The following ANO10 variants were observed in gnomAD, a reference collection of about 807,000 sequenced individuals.
ANO10 encodes the protein anoctamin 10, also known as anoctamin-10.
Under a neutral mutation model 74.7 loss-of-function variants are expected in ANO10, and 77 were observed. The ratio of observed to expected loss-of-function variants is 1.03; its 90% CI spans 0.86 to 1.25. The LOEUF (loss-of-function observed/expected upper bound fraction) is 1.25. Ranked by LOEUF, ANO10 falls within the 50% of genes most tolerant of loss-of-function variation. The pLI is 0.00. For missense variants in ANO10, 721 were observed against 778.1 expected, an observed-to-expected ratio of 0.93 and a Z score of 0.87; for synonymous variants, 279 against 284.9, an observed-to-expected ratio of 0.98 and a Z score of 0.21.
At chr3:43,651,622 T>A (rs1039417435) in intron 1 of ANO10, among the ~76,000 whole-genome samples, 1 of 152,222 alleles carries the variant, frequency 6.6e-6, no homozygotes, top group Admixed American at 6.5e-5. Context: ...AATTTTTCTC[T>A]TATTTAGCCT....
At chr3:43,394,842 G>A (rs1397436013) in intron 12 of ANO10, among the ~76,000 whole-genome samples, 1 of 152,162 alleles carries the variant, frequency 6.6e-6, no homozygotes, top group Non-Finnish European at 1.5e-5. Flanking sequence ...ATAAGCTTAG[G>A]TCTTAGGGTA....
intron 11 of ANO10, among the ~76,000 whole-genome samples, chr3:43,486,161 T>C (rs1379173243): frequency 6.6e-6 from 1 of 152,208 alleles, no homozygotes; most frequent in East Asian, 1.9e-4. Flanking sequence ...TTTACAAGTC[T>C]GAAAAGACAC....
chr3:43,614,109 G>A (rs1026519664), intron 1 of ANO10, among the ~76,000 whole-genome samples: 1 of 152,200 alleles, frequency 6.6e-6, no homozygotes, highest in Non-Finnish European at 1.5e-5. Flanking sequence ...GAACAATAAA[G>A]TGTTCCGCAG....
chr3:43,452,020 C>T (rs1016636988), intron 11 of ANO10, among the ~76,000 whole-genome samples: 16 of 152,098 alleles, frequency 1.1e-4, no homozygotes, highest in African/African-American at 3.9e-4. Flanking sequence ...GTCAAATCTA[C>T]CCTCAAAGGC....
intron 12 of ANO10, among the ~76,000 whole-genome samples, chr3:43,390,820 G>A (rs1187002178): frequency 2.0e-5 from 3 of 152,226 alleles, no homozygotes; most frequent in Non-Finnish European, 4.4e-5. Flanking sequence ...TAGAATGAGT[G>A]TATTCTCACG....
At chr3:43,507,869 G>A (rs571881851) in intron 11 of ANO10, among the ~76,000 whole-genome samples, 1 of 152,184 alleles carries the variant, frequency 6.6e-6, no homozygotes, top group African/African-American at 2.4e-5. Flanking sequence ...AACTGTTGAA[G>A]AGCATAAACA....
intron 11 of ANO10, among the ~76,000 whole-genome samples, chr3:43,512,876 A>T (rs1314607555): frequency 6.6e-6 from 1 of 152,176 alleles, no homozygotes; most frequent in African/African-American, 2.4e-5. Context: ...ATGGAAAAGA[A>T]GCAGGGTGAG....
At chr3:43,370,337 G>A (rs1266083843) in intron 12 of ANO10, among the ~76,000 whole-genome samples, 5 of 152,210 alleles carry the variant, frequency 3.3e-5, no homozygotes, top group Non-Finnish European at 7.3e-5. Flanking sequence ...ACGAGCCTTC[G>A]AGTTTTTCCA....
intron 5 of ANO10, among the ~76,000 whole-genome samples, chr3:43,579,962 G>T (rs1331171654): frequency 6.6e-6 from 1 of 151,920 alleles, no homozygotes. Context: ...AGATCAGCCT[G>T]AGCAACACGG....
rs77751655 is a variant in ANO10 at position 43,604,238 on chromosome 3, C to T, written c.139+1476G>A. Among the ~76,000 whole-genome samples, 102 of 152,076 alleles carry T rather than the reference C, an allele frequency of 6.7e-4. 1 individual carries two copies. The East Asian group carries it at 0.014, about 21-fold the overall frequency. ...CTTTGTGTTGGGAACATTCAATATC[C>T]TCCTTCTAGCTATTTGAAACTCTGT... On this transcript the variant is annotated intron_variant, in intron 2 of 12. Transcript: ENST00000292246.
At chr3:43,596,884 C>T (rs1220267289) in intron 4 of ANO10, among the ~76,000 whole-genome samples, 1 of 152,156 alleles carries the variant, frequency 6.6e-6, no homozygotes, top group African/African-American at 2.4e-5. Flanking sequence ...GGCTAATATC[C>T]AGAATCTACA....
chr3:43,589,506 G>T (rs1024113834), intron 4 of ANO10, among the ~76,000 whole-genome samples: 3 of 152,126 alleles, frequency 2.0e-5, no homozygotes, highest in African/African-American at 7.2e-5. Flanking sequence ...GGGCAACATG[G>T]TGAAACCTAA....
chr3:43,427,359 G>A (rs1048280830), intron 12 of ANO10, among the ~76,000 whole-genome samples: 1 of 152,070 alleles, frequency 6.6e-6, no homozygotes. Flanking sequence ...TCGATTTAGG[G>A]AAGAAGAATC....
chr3:43,485,215 T>C (rs1246147001), intron 11 of ANO10: 2 of 677,602 alleles, frequency 3.0e-6, no homozygotes, highest in African/African-American at 1.8e-5. Flanking sequence ...TGCCGGTACA[T>C]GTTGTAGGTG....
chr3:43,417,332 TTTATTTGCATA>T (rs1344716555), intron 12 of ANO10, among the ~76,000 whole-genome samples: 1 of 152,174 alleles, frequency 6.6e-6, no homozygotes, highest in African/African-American at 2.4e-5. Context: ...AAGGGGAAAG[TTTATTTGCATA>T]ATAACATTAG....
At chr3:43,664,612 A>G (rs1016931940) in intron 1 of ANO10, among the ~76,000 whole-genome samples, 19 of 152,196 alleles carry the variant, frequency 1.2e-4, no homozygotes, top group Non-Finnish European at 1.9e-4. Context: ...GAATGGGAGA[A>G]AATTTTTGCA....
chr3:43,591,744 C>A (rs576763369), intron 4 of ANO10, among the ~76,000 whole-genome samples: 10 of 152,278 alleles, frequency 6.6e-5, no homozygotes, highest in African/African-American at 2.4e-4. Flanking sequence ...GCTCGTTGGA[C>A]GGTGGGTGCA....
intron 1 of ANO10, among the ~76,000 whole-genome samples, chr3:43,651,716 C>A (rs1443537334): frequency 6.6e-6 from 1 of 152,154 alleles, no homozygotes; most frequent in East Asian, 1.9e-4. Flanking sequence ...ATGCCTTCAA[C>A]CATTCTATGT....
intron 10 of ANO10, 23 bp downstream of exon 10, chr3:43,555,255 T>C (rs2079683047): frequency 1.2e-6 from 2 of 1,610,276 alleles, no homozygotes; most frequent in Non-Finnish European, 1.7e-6. Context: ...TTTAAAGGAA[T>C]AATTTTTTTC....
Sources: gnomAD v4.1 joint callset for allele counts (sites outside exome capture counted in the v4.1 genomes callset) on GRCh38, gnomAD v4.1.1 for gene constraint, MANE v1.5 for transcripts, NCBI Gene and HGNC (gene_info 2026-07-23, HGNC 2026-07-21) for gene names.